MSR1: variants seen among roughly 807,000 people sequenced by gnomAD.
The protein encoded by MSR1 is macrophage scavenger receptor types I and II.
MSR1 carries 53 observed loss-of-function variants against 47.2 expected under a neutral mutation model. The ratio of observed to expected loss-of-function variants is 1.12; its 90% confidence interval spans 0.90 to 1.41. The LOEUF is 1.41. Among genes scored for constraint, MSR1 ranks in the 40% most tolerant of loss-of-function variants. The pLI is 0.00. For missense variants in MSR1, 786 were observed against 546.9 expected (o/e 1.44, Z -4.36); for synonymous variants, 239 against 185.6 (o/e 1.29, Z -2.34).
chr8:16,111,040 T>C (rs940779940), intron 9 of MSR1, among the ~76,000 whole-genome samples: 1 of 152,176 alleles, frequency 6.6e-6, no homozygotes, highest in Admixed American at 6.5e-5. Context: ...AGGGACACTT[T>C]TTAGTTCCCA....
At chr8:16,148,320 A>C (rs1800755347) in intron 7 of MSR1, among the ~76,000 whole-genome samples, 1 of 152,108 alleles carries the variant, frequency 6.6e-6, no homozygotes, top group African/African-American at 2.4e-5. Context: ...AAGTTGTGTG[A>C]ACTGGGTGAA....
intron 7 of MSR1, among the ~76,000 whole-genome samples, chr8:16,148,602 T>A (rs550121815): frequency 6.6e-6 from 1 of 151,990 alleles, no homozygotes; most frequent in Non-Finnish European, 1.5e-5. Context: ...CCACCATGCC[T>A]GGCTAATTTT....
chr8:16,160,023 G>A (rs759722778), intron 5 of MSR1, among the ~76,000 whole-genome samples: 1 of 151,978 alleles, frequency 6.6e-6, no homozygotes, highest in African/African-American at 2.4e-5. Context: ...AAAGACAAGC[G>A]AGGGAATGAA....
At chr8:16,126,306 C>G (rs183717376) in intron 8 of MSR1, among the ~76,000 whole-genome samples, 2 of 152,046 alleles carry the variant, frequency 1.3e-5, no homozygotes, top group Non-Finnish European at 2.9e-5. Flanking sequence ...AAGAAATAAT[C>G]GAACATAGAA....
chr8:16,120,836 C>T (rs910435280), intron 8 of MSR1: 4 of 571,112 alleles, frequency 7.0e-6, no homozygotes, highest in African/African-American at 3.8e-5. Flanking sequence ...TCCAATCTGT[C>T]TTACATGTAA....
intron 2 of MSR1, among the ~76,000 whole-genome samples, chr8:16,177,255 T>C (rs978989166): frequency 2.0e-5 from 3 of 152,042 alleles, no homozygotes; most frequent in African/African-American, 7.2e-5. Context: ...CAAGTTAAAA[T>C]GAAGTGATAT....
chr8:16,157,198 C>A (rs1415970579), intron 5 of MSR1, among the ~76,000 whole-genome samples: 1 of 151,926 alleles, frequency 6.6e-6, no homozygotes, highest in African/African-American at 2.4e-5. Context: ...GAGAATAGAT[C>A]TAGACTCTTA....
In MSR1 at chr8:16,120,481, C is replaced by T. The variant is rs750279343; in HGVS notation, c.1159G>A (p.Val387Ile). ...DRWEVRVGQV[V>I]CRSLGYPGVQ... Reference sequence around the variant, plus strand: ...CCTGGGTATCCCAAGCTCCTACAGACGACCTGTCCAACGCGCACTTCCCAG... The same window carrying T: ...CCTGGGTATCCCAAGCTCCTACAGATGACCTGTCCAACGCGCACTTCCCAG... Residue 387 changes from valine to isoleucine, a missense_variant, in exon 9 of 10, where the codon GTC (valine) becomes ATC (isoleucine). Transcript: ENST00000262101. 3.7e-6 allele frequency: 6 copies of T among 1,613,834 alleles called. No individual in the cohort carries two copies. The highest frequency in any genetic ancestry group is 3.3e-5 in the South Asian group (3 of 91,080).
At chr8:16,157,836 C>G (rs913279625) in intron 5 of MSR1, among the ~76,000 whole-genome samples, 14 of 151,908 alleles carry the variant, frequency 9.2e-5, no homozygotes, top group African/African-American at 3.4e-4. Flanking sequence ...TGTGTTTTAT[C>G]TGTTTCACCT....
intron 7 of MSR1, among the ~76,000 whole-genome samples, chr8:16,143,960 C>T (rs933182451): frequency 6.6e-6 from 1 of 152,060 alleles, no homozygotes; most frequent in African/African-American, 2.4e-5. Context: ...CAGTGCCTTC[C>T]ATGAGCTCCC....
chr8:16,109,490 A>C lies in MSR1; in HGVS notation c.*595T>G, dbSNP rs1799708536. The stretch of plus-strand genomic sequence containing the variant: ...GATTCAATTAAACAGTTGTCAGTAC[A>C]TGACAAGAAAAATAAGCTCCCTGGT... On this transcript the variant is annotated 3_prime_UTR_variant, in exon 10 of 10. Transcript: ENST00000262101. 6.5e-6 allele frequency: 1 copy of C among 154,166 alleles called. No individual in the cohort carries two copies. Among genetic ancestry groups the C allele is most frequent in the African/African-American group, 2.4e-5 (1 of 41,456 alleles). 9.5% of individuals were successfully genotyped at this position (154,166 alleles called of 1,614,324 possible). A position where few individuals can be genotyped will look rare whatever the true frequency, so the allele number is the denominator to read the frequency against.
chr8:16,173,131 A>G (rs929198272), intron 3 of MSR1, among the ~76,000 whole-genome samples: 1 of 152,174 alleles, frequency 6.6e-6, no homozygotes, highest in Non-Finnish European at 1.5e-5. Flanking sequence ...TGTCTAGTCA[A>G]TTTTAGTCGG....
At chr8:16,149,562 A>T (rs919947359) in intron 7 of MSR1, among the ~76,000 whole-genome samples, 1 of 152,038 alleles carries the variant, frequency 6.6e-6, no homozygotes, top group Non-Finnish European at 1.5e-5. Flanking sequence ...TCACTTTGAA[A>T]TGAGGAGACA....
rs1800486566 is a variant in MSR1 at position 16,139,761 on chromosome 8, AAAAAAAAAAAAAAATATATAT to A, written c.1033+3776_1033+3796del. 3.0e-5 allele frequency: 5 copies of A among 164,156 alleles called. No individual in the cohort carries two copies. In the African/African-American group the frequency reaches 3.5e-4, roughly 11 times the overall value. The allele number at this position is 164,156 out of a possible 1,614,324, so 10.2% of individuals were successfully genotyped here. Reference sequence around the variant, plus strand: ...ACTTCAAAACTTAAAAAAAAAAAAAAAAAAAAAAAAAAAATATATATATATATATATATATATATATATATA... The same window carrying A: ...ACTTCAAAACTTAAAAAAAAAAAAAAATATATATATATATATATATATATA... On this transcript the variant is annotated intron_variant, in intron 8 of 9. Transcript: ENST00000262101.
intron 1 of MSR1, 49 bp from the exon 2 acceptor site, chr8:16,178,041 G>T (rs745488839): frequency 1.2e-5 from 17 of 1,401,110 alleles, no homozygotes; most frequent in Non-Finnish European, 1.6e-5. Flanking sequence ...AAATGGCTAG[G>T]GCTCTTTTGC....
intron 7 of MSR1, among the ~76,000 whole-genome samples, chr8:16,146,831 A>G (rs1325690224): frequency 6.6e-6 from 1 of 152,060 alleles, no homozygotes; most frequent in African/African-American, 2.4e-5. Flanking sequence ...TTATATAATC[A>G]TAGATAAACT....
intron 1 of MSR1, among the ~76,000 whole-genome samples, chr8:16,184,098 G>A (rs1012601326): frequency 1.3e-5 from 2 of 151,280 alleles, no homozygotes; most frequent in African/African-American, 4.9e-5. Context: ...GGAACTGAGA[G>A]CAGTTTTAAT....
At chr8:16,140,938 T>A in intron 8 of MSR1, 1 of 1,613,670 alleles carries the variant, frequency 6.2e-7, no homozygotes, top group Non-Finnish European at 8.5e-7. Flanking sequence ...AGATGACTTG[T>A]CCAGAGGTGA....
chr8:16,170,867 T>C (rs1291856755), intron 3 of MSR1, among the ~76,000 whole-genome samples: 2 of 152,166 alleles, frequency 1.3e-5, no homozygotes, highest in Non-Finnish European at 2.9e-5. Flanking sequence ...AAGTAACAAT[T>C]ACCTCAACAG....
Sources: gnomAD v4.1 joint callset for allele counts (sites outside exome capture counted in the v4.1 genomes callset) on GRCh38, gnomAD v4.1.1 for gene constraint, MANE v1.5 for transcripts, NCBI Gene and HGNC (gene_info 2026-07-23, HGNC 2026-07-21) for gene names.